Variants in MRPS9 observed in about 807,000 individuals in gnomAD.
MRPS9 encodes small ribosomal subunit protein uS9m.
In MRPS9, 45 loss-of-function variants were observed where a neutral mutation model predicts 59.9. The ratio of observed to expected loss-of-function variants is 0.75; its 90% CI spans 0.59 to 0.96. The LOEUF (loss-of-function observed/expected upper bound fraction) is 0.96. Ranked by LOEUF, MRPS9 falls within the 40% of genes least tolerant of loss-of-function variation. MRPS9 has a pLI of 0.00. For missense variants in MRPS9, 473 were observed against 481.1 expected, an observed-to-expected ratio of 0.98 and a Z score of 0.16; for synonymous variants, 171 against 166.8, an observed-to-expected ratio of 1.03 and a Z score of -0.19.
chr2:105,078,490 A>G (rs757924762), intron 4 of MRPS9, among the ~76,000 whole-genome samples: 31 of 152,134 alleles, frequency 2.0e-4, no homozygotes, highest in Non-Finnish European at 2.8e-4. Context: ...GTGAAAATCA[A>G]TTGCATAAGA....
chr2:105,093,359 G>A (rs1323860194), intron 8 of MRPS9, among the ~76,000 whole-genome samples, 171 bp from the exon 9 acceptor site: 2 of 152,118 alleles, frequency 1.3e-5, no homozygotes, highest in Non-Finnish European at 2.9e-5. Context: ...TGCATCTGTT[G>A]TGCTGTAGTT....
At chr2:105,061,638 C>T (rs1263760939) in intron 2 of MRPS9, among the ~76,000 whole-genome samples, 1 of 152,134 alleles carries the variant, frequency 6.6e-6, no homozygotes, top group Admixed American at 6.5e-5. Context: ...CCCATTCCTC[C>T]CCACCATCCC....
At position 105,093,941 on chromosome 2, in the gene MRPS9, A is replaced by G. The variant is rs1680609613; in HGVS notation, c.929+303A>G. ...TGAAGTGCAGACTGTGCCAAAATGT[A>G]AAAAATTTTGATTTAGATTTCCACC... On this transcript the variant is annotated intron_variant, in intron 9 of 10. Transcript: ENST00000258455. 2.0e-5 allele frequency among the ~76,000 whole-genome samples: 3 copies of G among 152,196 alleles called. No individual in the cohort carries two copies. In the South Asian group the frequency reaches 6.2e-4, roughly 32 times the overall value.
At chr2:105,066,024 T>C (rs1242429416) in intron 2 of MRPS9, among the ~76,000 whole-genome samples, 1 of 152,234 alleles carries the variant, frequency 6.6e-6, no homozygotes, top group Non-Finnish European at 1.5e-5. Context: ...GGTTAGGTCC[T>C]GTTAGTACTA....
intron 1 of MRPS9, among the ~76,000 whole-genome samples, chr2:105,041,572 C>T (rs1679503580): frequency 2.0e-5 from 3 of 151,126 alleles, no homozygotes; most frequent in African/African-American, 7.3e-5. Context: ...GTTATAATAT[C>T]CTGTATTTAT....
At chr2:105,075,887 C>A (rs535680417) in intron 4 of MRPS9, among the ~76,000 whole-genome samples, 1 of 151,904 alleles carries the variant, frequency 6.6e-6, no homozygotes, top group South Asian at 2.1e-4. Flanking sequence ...AACAGAAACA[C>A]ATCAAATTTA....
intron 2 of MRPS9, among the ~76,000 whole-genome samples, chr2:105,058,642 TTAA>T (rs1396913772): frequency 7.2e-5 from 11 of 152,290 alleles, no homozygotes; most frequent in Admixed American, 3.3e-4. Flanking sequence ...TGGATTCACA[TTAA>T]GTATAGATGA....
intron 1 of MRPS9, among the ~76,000 whole-genome samples, chr2:105,043,215 T>A (rs892097361): frequency 1.6e-4 from 24 of 152,330 alleles, no homozygotes; most frequent in Middle Eastern, 3.4e-3. Flanking sequence ...GGTTTATGCG[T>A]TTTATTTGAT....
chr2:105,057,914 A>G (rs758496558), intron 2 of MRPS9, among the ~76,000 whole-genome samples: 39 of 151,822 alleles, frequency 2.6e-4, no homozygotes, highest in Admixed American at 5.9e-4. Flanking sequence ...GTTAAGTTCT[A>G]CATTACTATA....
Position 105,092,255 on chromosome 2 carries a change from A to G in MRPS9, c.652-146A>G, listed in dbSNP as rs1045142212. 5.2e-6 allele frequency: 3 copies of G among 581,070 alleles called. 1 individual carries two copies. Among genetic ancestry groups the G allele is most frequent in the Non-Finnish European group, 2.8e-6 (1 of 357,556 alleles). The allele number at this position is 581,070 out of a possible 1,614,324, so 36.0% of individuals were successfully genotyped here. On this transcript the variant is annotated intron_variant, in intron 7 of 10. Transcript: ENST00000258455. ...AAGTGATGCATCTGCATGCTGTTTT[A>G]AAAGCAGCGTGAAGATGCAGAAGTG...
At chr2:105,038,304 G>C (rs889474910) in intron 1 of MRPS9, 77 bp downstream of exon 1, 1 of 1,541,306 alleles carries the variant, frequency 6.5e-7, no homozygotes, top group African/African-American at 1.4e-5. Flanking sequence ...CCTTCCCCCA[G>C]CGTCTCGCGT....
intron 10 of MRPS9, among the ~76,000 whole-genome samples, chr2:105,097,620 T>C (rs561687617): frequency 6.6e-6 from 1 of 152,214 alleles, no homozygotes; most frequent in African/African-American, 2.4e-5. Flanking sequence ...GCATAACCTT[T>C]TATCCAGCTT....
chr2:105,077,244 C>CGAAAAAAAAAAA (rs1680230189), intron 4 of MRPS9, among the ~76,000 whole-genome samples: 1 of 115,482 alleles, frequency 8.7e-6, no homozygotes, highest in Non-Finnish European at 1.8e-5. Context: ...GACTCCATCT[C>CGAAAAAAAAAAA]AAAAAAAAAA....
chr2:105,073,772 A>T (rs1680159089), intron 4 of MRPS9, among the ~76,000 whole-genome samples: 1 of 152,228 alleles, frequency 6.6e-6, no homozygotes, highest in South Asian at 2.1e-4. Flanking sequence ...CAAGAATGTT[A>T]ATTTATGTTG....
intron 2 of MRPS9, among the ~76,000 whole-genome samples, chr2:105,064,153 A>T (rs554030551): frequency 1.3e-5 from 2 of 152,302 alleles, no homozygotes; most frequent in African/African-American, 4.8e-5. Context: ...ACTCTGAGGA[A>T]GCAGCACTTA....
chr2:105,076,516 C>T (rs774252497), intron 4 of MRPS9, among the ~76,000 whole-genome samples: 7 of 152,184 alleles, frequency 4.6e-5, no homozygotes, highest in Non-Finnish European at 1.5e-5. Flanking sequence ...TATATACATA[C>T]ATGTACCTCC....
chr2:105,042,257 C>G (rs1000366972), intron 1 of MRPS9, among the ~76,000 whole-genome samples: 3 of 152,204 alleles, frequency 2.0e-5, no homozygotes, highest in Non-Finnish European at 2.9e-5. Context: ...GAGTCTGCTT[C>G]TAGGCTCACT....
intron 1 of MRPS9, among the ~76,000 whole-genome samples, chr2:105,039,997 C>T (rs967267819): frequency 1.3e-5 from 2 of 152,198 alleles, no homozygotes; most frequent in Non-Finnish European, 2.9e-5. Flanking sequence ...ACCCTTAGCA[C>T]TCTTAAGGGA....
intron 1 of MRPS9, among the ~76,000 whole-genome samples, chr2:105,041,407 C>T (rs1304831688): frequency 2.6e-5 from 4 of 152,138 alleles, no homozygotes; most frequent in Non-Finnish European, 1.5e-5. Context: ...TTTTGCCAAG[C>T]CAAGATGCCT....
Sources: gnomAD v4.1 joint callset for allele counts (sites outside exome capture counted in the v4.1 genomes callset) on GRCh38, gnomAD v4.1.1 for gene constraint, MANE v1.5 for transcripts, NCBI Gene and HGNC (gene_info 2026-07-23, HGNC 2026-07-21) for gene names.